The following OTUD7B variants were observed in gnomAD, a reference collection of about 807,000 sequenced individuals.
OTUD7B encodes OTU deubiquitinase 7B.
Under a neutral mutation model 82.2 loss-of-function variants are expected in OTUD7B, and 34 were observed. The observed-to-expected ratio is 0.41, with a 90% CI of 0.31 to 0.55. OTUD7B has a LOEUF of 0.55. Ranked by LOEUF, OTUD7B falls within the 20% of genes least tolerant of loss-of-function variation. The pLI is 0.20. For synonymous variants in OTUD7B, 398 were observed against 402.7 expected (o/e 0.99, Z 0.14); for missense variants, 944 against 1,062.1 (o/e 0.89, Z 1.55).
intron 7 of OTUD7B, among the ~76,000 whole-genome samples, chr1:149,952,365 T>C (rs1265182066): frequency 3.3e-5 from 5 of 152,100 alleles, no homozygotes; most frequent in Non-Finnish European, 5.9e-5. Context: ...CATGTCCCTA[T>C]AAAGGACATG....
At chr1:150,022,518 T>C in the OTUD7B span, among the ~76,000 whole-genome samples, 6 of 151,384 alleles carry the variant, frequency 4.0e-5, no homozygotes, top group Admixed American at 1.3e-4. Flanking sequence ...CGTAACCACA[T>C]GTGATCACAT....
At chr1:150,015,439 A>C (rs112161342), upstream of OTUD7B, among the ~76,000 whole-genome samples, 4 of 151,736 alleles carry the variant, frequency 2.6e-5, no homozygotes, top group African/African-American at 9.7e-5. Flanking sequence ...GATTACAGGC[A>C]CGTGACACCA....
chr1:150,012,480 C>T (rs1162191477), upstream of OTUD7B, among the ~76,000 whole-genome samples: 1 of 152,162 alleles, frequency 6.6e-6, no homozygotes, highest in Non-Finnish European at 1.5e-5. Flanking sequence ...AGAGGAGCCT[C>T]AAAATCTGAA....
chr1:150,058,679 G>T, the OTUD7B span, among the ~76,000 whole-genome samples: 12 of 152,262 alleles, frequency 7.9e-5, no homozygotes, highest in South Asian at 2.5e-3. Flanking sequence ...GCACATTAAA[G>T]TTTGATCAAC....
intron 1 of OTUD7B, among the ~76,000 whole-genome samples, chr1:149,993,094 T>C (rs587615853): frequency 2.0e-5 from 3 of 152,230 alleles, no homozygotes; most frequent in South Asian, 4.1e-4. Flanking sequence ...GAGGCTGCAA[T>C]GAGCTGAGAT....
chr1:150,040,918 C>G, the OTUD7B span, among the ~76,000 whole-genome samples: 1 of 152,034 alleles, frequency 6.6e-6, no homozygotes, highest in Non-Finnish European at 1.5e-5. Context: ...CCATGTTGAC[C>G]AGGCTGGTCT....
chr1:150,025,937 T>C, the OTUD7B span, among the ~76,000 whole-genome samples: 1 of 152,206 alleles, frequency 6.6e-6, no homozygotes, highest in East Asian at 1.9e-4. Context: ...ATAGTCTGTT[T>C]GTCAGGTTGC....
chr1:150,029,763 G>A, the OTUD7B span, among the ~76,000 whole-genome samples: 1 of 151,850 alleles, frequency 6.6e-6, no homozygotes, highest in Non-Finnish European at 1.5e-5. Context: ...AGCAGGGAAG[G>A]TGCAATGGGT....
At chr1:150,059,301 C>T in the OTUD7B span, among the ~76,000 whole-genome samples, 3 of 33,178 alleles carry the variant, frequency 9.0e-5, no homozygotes, top group African/African-American at 3.3e-4. Flanking sequence ...GATCCACCCC[C>T]CCCCCCCCCG....
chr1:149,983,144 T>C lies in OTUD7B; in HGVS notation c.-66-5568A>G, dbSNP rs369527795. 3.3e-4 allele frequency among the ~76,000 whole-genome samples: 51 copies of C among 152,310 alleles called. 1 individual carries two copies. The highest frequency in any genetic ancestry group is 1.2e-3 in the African/African-American group (48 of 41,580). On this transcript the variant is annotated intron_variant, in intron 1 of 11. Transcript: ENST00000581312. ...TGCTGGGATTACAGGCGTGAGCCACTGCGCCCGGCCTCCTCTGTACTTTTA... is the reference window on the plus strand; with the variant it reads ...TGCTGGGATTACAGGCGTGAGCCACCGCGCCCGGCCTCCTCTGTACTTTTA...
chr1:149,989,115 T>C (rs1357306760), intron 1 of OTUD7B, among the ~76,000 whole-genome samples: 2 of 152,176 alleles, frequency 1.3e-5, no homozygotes, highest in Non-Finnish European at 2.9e-5. Flanking sequence ...ATTAATCCAC[T>C]TCATAAATTT....
chr1:150,029,901 T>C, the OTUD7B span, among the ~76,000 whole-genome samples: 5 of 152,126 alleles, frequency 3.3e-5, no homozygotes, highest in Non-Finnish European at 7.4e-5. Context: ...CACAGCCAGC[T>C]CAAGTTCTAG....
At chr1:150,064,337 CTCTT>C in the OTUD7B span, among the ~76,000 whole-genome samples, 10 of 152,112 alleles carry the variant, frequency 6.6e-5, no homozygotes, top group South Asian at 1.2e-3. Flanking sequence ...TTCTTTCTTT[CTCTT>C]TCTTTCTTCT....
chr1:150,020,584 G>A, the OTUD7B span, among the ~76,000 whole-genome samples: 1 of 151,974 alleles, frequency 6.6e-6, no homozygotes, highest in South Asian at 2.1e-4. Context: ...ATGCTGTATG[G>A]GCCTCTATTT....
intron 1 of OTUD7B, among the ~76,000 whole-genome samples, chr1:150,002,485 G>A (rs1173435061): frequency 6.6e-6 from 1 of 152,082 alleles, no homozygotes; most frequent in Non-Finnish European, 1.5e-5. Flanking sequence ...TTCTCAGTCA[G>A]ACCTAGGAAA....
intron 1 of OTUD7B, among the ~76,000 whole-genome samples, chr1:149,981,014 CAAAAAAAAAAA>C (rs1156427665): frequency 3.5e-4 from 20 of 57,720 alleles, no homozygotes; most frequent in East Asian, 2.9e-3. Flanking sequence ...GACCCTGTTT[CAAAAAAAAAAA>C]AAAAAAAAAA....
At chr1:150,041,744 T>C in the OTUD7B span, among the ~76,000 whole-genome samples, 1 of 152,242 alleles carries the variant, frequency 6.6e-6, no homozygotes. Flanking sequence ...TTTAGTACAC[T>C]AATTGAGTGT....
intron 5 of OTUD7B, 24 bp from the exon 6 acceptor site, chr1:149,964,373 A>G (rs781818780): frequency 6.2e-7 from 1 of 1,608,888 alleles, no homozygotes; most frequent in East Asian, 2.2e-5. Flanking sequence ...GCATAATGGT[A>G]AGATACCTCA....
chr1:149,949,583 T>A (rs782798599), intron 9 of OTUD7B, 46 bp downstream of exon 9: 2 of 1,592,954 alleles, frequency 1.3e-6, no homozygotes, highest in Non-Finnish European at 1.7e-6. Context: ...TCATTCAATT[T>A]TTTCAAGTGA....
Sources: allele counts gnomAD v4.1 joint callset (sites outside exome capture counted in the v4.1 genomes callset), GRCh38; gene constraint gnomAD v4.1.1; transcripts MANE v1.5; gene names NCBI Gene and HGNC (gene_info 2026-07-23, HGNC 2026-07-21).